Variants in MORN1 observed in about 807,000 individuals in gnomAD.
MORN1 encodes MORN repeat-containing protein 1.
MORN1 carries 67 observed loss-of-function variants against 61.9 expected under a neutral mutation model. The observed-to-expected ratio is 1.08, with a 90% CI of 0.89 to 1.33. The LOEUF is 1.33. Among genes scored for constraint, MORN1 ranks in the 40% most tolerant of loss-of-function variants. The pLI, the probability that MORN1 is intolerant of heterozygous loss-of-function variation, is 0.00. For missense variants in MORN1, 752 were observed against 691.2 expected (o/e 1.09, Z -0.99); for synonymous variants, 301 against 292.0 (o/e 1.03, Z -0.31).
intron 5 of MORN1, chr1:2,385,549 C>CT (rs1230350026): frequency 4.2e-5 from 4 of 95,848 alleles, no homozygotes; most frequent in African/African-American, 3.8e-4. Flanking sequence ...GTATTTTAAT[C>CT]GGGGGGGGGG....
chr1:2,340,970 C>T (rs539768412), intron 10 of MORN1, among the ~76,000 whole-genome samples: 6 of 152,372 alleles, frequency 3.9e-5, no homozygotes, highest in African/African-American at 1.2e-4. Context: ...ATACCAGCCA[C>T]GAGACCACGA....
rs536306304 is a variant in MORN1, at chr1:2,372,552, A to G, written c.674T>C (p.Met225Thr). The G allele has an allele frequency of 4.3e-6, 7 of 1,612,872 alleles. No individual in the cohort carries two copies. The South Asian group carries it at 7.7e-5, about 18-fold the overall frequency. The change falls in exon 8 of 14, where the codon ATG (methionine) becomes ACG (threonine). Residue 225 changes from methionine (M) to threonine (T), a missense_variant. By Grantham distance (81) the Met-to-Thr change is moderately conservative. Transcript: ENST00000378531. The surrounding 1 kb of genome is among the most constrained non-coding windows in gnomAD (Gnocchi z 5.4). ...GAAGGGAGACCCTTGGGCCACTTCC[A>G]TCACCTCCGGACCCAAGATCACGAT... is the stretch of plus-strand genomic sequence containing the variant. ...TRIVILGPEV[M>T]EVAQGSPFSV...
chr1:2,370,787 C>T (rs569074894), intron 8 of MORN1, among the ~76,000 whole-genome samples: 75 of 151,864 alleles, frequency 4.9e-4, no homozygotes, highest in South Asian at 4.6e-3. Context: ...AAGGGACTCT[C>T]CCAATTTCAG....
chr1:2,363,922 T>C (rs1641949882), intron 8 of MORN1, among the ~76,000 whole-genome samples: 1 of 151,272 alleles, frequency 6.6e-6, no homozygotes, highest in African/African-American at 2.4e-5. Flanking sequence ...CTGGGGCAAA[T>C]TAAAAAATAG....
chr1:2,390,087 G>C, intron 1 of MORN1, 91 bp from the exon 2 acceptor site: 1 of 1,173,696 alleles, frequency 8.5e-7, no homozygotes, highest in African/African-American at 1.5e-5. Flanking sequence ...GCTCCCTTGA[G>C]GGCCTTCAAG....
At chr1:2,326,447 G>C (rs72642149) in intron 12 of MORN1, 26,140 of 152,228 alleles carry the variant, frequency 0.17, 2,754 homozygotes, top group South Asian at 0.24. Flanking sequence ...CAAGGAGCTC[G>C]GGAGTCTCGG....
chr1:2,354,970 G>A (rs1227853968), intron 10 of MORN1, among the ~76,000 whole-genome samples: 1 of 152,182 alleles, frequency 6.6e-6, no homozygotes, highest in African/African-American at 2.4e-5. Context: ...GAGAATTTAC[G>A]GCTGGACACT....
intron 8 of MORN1, chr1:2,371,348 A>T (rs1164248805): frequency 6.6e-6 from 1 of 152,200 alleles, no homozygotes; most frequent in Non-Finnish European, 1.5e-5. Context: ...TCTAATTTTT[A>T]AAAAATGGGT....
chr1:2,351,867 G>A (rs958844120), intron 10 of MORN1: 7 of 505,050 alleles, frequency 1.4e-5, no homozygotes, highest in Admixed American at 2.3e-5. Flanking sequence ...CACGACTGCC[G>A]TTCCCCCAGA....
intron 10 of MORN1, chr1:2,355,119 G>A (rs1008013329): frequency 2.8e-6 from 3 of 1,068,970 alleles, no homozygotes; most frequent in South Asian, 3.1e-5. Context: ...CAGGCACGAG[G>A]CTGGTTTCAA....
At chr1:2,384,859 A>C in intron 6 of MORN1, 119 bp downstream of exon 6, 1 of 796,540 alleles carries the variant, frequency 1.3e-6, no homozygotes, top group Non-Finnish European at 1.9e-6. Flanking sequence ...GGATCAGGGA[A>C]TCGCAGGGCC....
At chr1:2,347,003 G>T (rs1253374886) in intron 10 of MORN1, among the ~76,000 whole-genome samples, 1 of 152,184 alleles carries the variant, frequency 6.6e-6, no homozygotes, top group Non-Finnish European at 1.5e-5. Flanking sequence ...GGACTCCTGG[G>T]TCCTTCTTGG....
chr1:2,351,245 G>C (rs953060446), intron 10 of MORN1: 3 of 152,816 alleles, frequency 2.0e-5, no homozygotes, highest in Non-Finnish European at 4.4e-5. Flanking sequence ...CTCACCCCCA[G>C]CACTGGGCTT....
At chr1:2,382,833 G>A (rs1472606648) in intron 6 of MORN1, among the ~76,000 whole-genome samples, 1 of 152,218 alleles carries the variant, frequency 6.6e-6, no homozygotes, top group South Asian at 2.1e-4. Context: ...CAAGGACACT[G>A]CCAATGGTCA....
chr1:2,387,582 C>A, intron 3 of MORN1, 53 bp from the exon 4 acceptor site: 2 of 1,321,996 alleles, frequency 1.5e-6, no homozygotes, highest in Non-Finnish European at 2.2e-6. Context: ...AGGGCTGCGG[C>A]CCCAGTCGGC....
intron 6 of MORN1, among the ~76,000 whole-genome samples, chr1:2,384,112 C>T (rs1005443158): frequency 2.6e-5 from 4 of 152,138 alleles, no homozygotes; most frequent in Middle Eastern, 3.2e-3. Flanking sequence ...TCTCCTGAGT[C>T]GTCCTTGTTA....
chr1:2,348,675 C>G (rs1165851083), intron 10 of MORN1, among the ~76,000 whole-genome samples: 1 of 142,096 alleles, frequency 7.0e-6, no homozygotes, highest in Non-Finnish European at 1.5e-5. Flanking sequence ...ACACGCACAC[C>G]TGCGCAGGCA....
intron 8 of MORN1, among the ~76,000 whole-genome samples, chr1:2,361,976 G>C (rs1421042148): frequency 1.3e-5 from 2 of 152,260 alleles, no homozygotes; most frequent in East Asian, 3.8e-4. Context: ...GCTCACGCCT[G>C]TAATCCCAGC....
chr1:2,376,310 G>C (rs944472188), intron 6 of MORN1: 1 of 152,298 alleles, frequency 6.6e-6, no homozygotes, highest in Non-Finnish European at 1.5e-5. Context: ...CACGCTGGAC[G>C]GGGAGAGGCG....
Sources: gnomAD v4.1 joint callset for allele counts (sites outside exome capture counted in the v4.1 genomes callset) on GRCh38, gnomAD v4.1.1 for gene constraint, Gnocchi (gnomAD v3.1) non-coding constraint, MANE v1.5 for transcripts, NCBI Gene and HGNC (gene_info 2026-07-23, HGNC 2026-07-21) for gene names.